Variants in ULK4 observed in about 807,000 individuals in gnomAD.
The protein encoded by ULK4 is unc-51 like kinase 4.
Under a neutral mutation model 160.6 loss-of-function variants are expected in ULK4, and 133 were observed. That is an observed-to-expected ratio of 0.83 (90% CI 0.72 to 0.96). The LOEUF (loss-of-function observed/expected upper bound fraction) is 0.96. ULK4 is among the 40% of genes least tolerant of loss of function. ULK4 has a pLI of 0.00. For synonymous variants in ULK4, 534 were observed against 539.8 expected (o/e 0.99, Z 0.15); for missense variants, 1,580 against 1,499.5 (o/e 1.05, Z -0.89).
At chr3:41,491,689 G>T (rs1050912174) in intron 32 of ULK4, among the ~76,000 whole-genome samples, 6 of 59,674 alleles carry the variant, frequency 1.0e-4, no homozygotes, top group Non-Finnish European at 1.9e-4. Flanking sequence ...GGAAAAAAAA[G>T]AATTTTTATA....
At chr3:41,499,470 T>C (rs1318439692) in intron 32 of ULK4, among the ~76,000 whole-genome samples, 1 of 152,118 alleles carries the variant, frequency 6.6e-6, no homozygotes, top group Non-Finnish European at 1.5e-5. Flanking sequence ...GTGTAGAGTG[T>C]TGAGGGCAGA....
At chr3:41,612,907 G>C (rs902761464) in intron 31 of ULK4, among the ~76,000 whole-genome samples, 1 of 152,182 alleles carries the variant, frequency 6.6e-6, no homozygotes, top group African/African-American at 2.4e-5. Flanking sequence ...CTCATAAGCA[G>C]GTTTTAAGTA....
chr3:41,861,028 GA>G (rs1168519287), intron 17 of ULK4, among the ~76,000 whole-genome samples: 1 of 152,114 alleles, frequency 6.6e-6, no homozygotes, highest in East Asian at 1.9e-4. Context: ...AGAAAACTAA[GA>G]AAAACTCTAT....
At chr3:41,897,063 T>A (rs1698185697) in intron 14 of ULK4, 60 bp from the exon 15 acceptor site, 1 of 1,437,576 alleles carries the variant, frequency 7.0e-7, no homozygotes, top group South Asian at 1.3e-5. Context: ...GCTGGAAACA[T>A]TACATAAGAA....
At chr3:41,627,734 G>A (rs2033584884) in intron 30 of ULK4, among the ~76,000 whole-genome samples, 1 of 152,148 alleles carries the variant, frequency 6.6e-6, no homozygotes, top group Non-Finnish European at 1.5e-5. Context: ...TATAAAAGTA[G>A]AATTAACTTC....
At chr3:41,575,600 T>C (rs1231878330) in intron 31 of ULK4, among the ~76,000 whole-genome samples, 1 of 152,232 alleles carries the variant, frequency 6.6e-6, no homozygotes, top group East Asian at 1.9e-4. Flanking sequence ...AAATTATTTT[T>C]AAATTTGACT....
chr3:41,820,912 A>G (rs2041125527), intron 18 of ULK4, among the ~76,000 whole-genome samples: 1 of 152,202 alleles, frequency 6.6e-6, no homozygotes, highest in Non-Finnish European at 1.5e-5. Context: ...TATACCCTGG[A>G]CATTATGATC....
chr3:41,482,371 T>C (rs529101817), intron 32 of ULK4, among the ~76,000 whole-genome samples: 1 of 152,200 alleles, frequency 6.6e-6, no homozygotes, highest in Non-Finnish European at 1.5e-5. Flanking sequence ...TGGTGTCTTA[T>C]TTCAAGGACA....
At chr3:41,584,374 C>A (rs2125634722) in intron 31 of ULK4, among the ~76,000 whole-genome samples, 1 of 152,242 alleles carries the variant, frequency 6.6e-6, no homozygotes, top group African/African-American at 2.4e-5. Flanking sequence ...TCTCTGCAAC[C>A]TCCACCTCCC....
chr3:41,759,049 T>C (rs1411955874), intron 21 of ULK4, among the ~76,000 whole-genome samples: 1 of 151,984 alleles, frequency 6.6e-6, no homozygotes, highest in African/African-American at 2.4e-5. Context: ...ACAAAGCAAG[T>C]AGAAAACAAA....
chr3:41,773,530 C>T (rs1423509315), intron 21 of ULK4, among the ~76,000 whole-genome samples: 2 of 152,104 alleles, frequency 1.3e-5, no homozygotes, highest in Non-Finnish European at 2.9e-5. Context: ...TCAAGGACCT[C>T]TTCAAGGAGA....
intron 34 of ULK4, among the ~76,000 whole-genome samples, chr3:41,408,224 C>G (rs1202022939): frequency 1.3e-5 from 2 of 151,404 alleles, no homozygotes; most frequent in Non-Finnish European, 2.9e-5. Flanking sequence ...GTCAGGAGAT[C>G]GAGACCATCC....
intron 31 of ULK4, among the ~76,000 whole-genome samples, chr3:41,598,664 T>G (rs2031854533): frequency 6.7e-6 from 1 of 150,152 alleles, no homozygotes; most frequent in East Asian, 1.9e-4. Flanking sequence ...ATCCACCCCC[T>G]ACATATACAC....
intron 12 of ULK4, among the ~76,000 whole-genome samples, chr3:41,903,734 A>G (rs1311503789): frequency 5.9e-5 from 9 of 152,222 alleles, no homozygotes; most frequent in Non-Finnish European, 1.2e-4. Flanking sequence ...TATAAAATAA[A>G]ATGTTCAGGA....
At chr3:41,865,956 A>C (rs1477587617) in intron 17 of ULK4, among the ~76,000 whole-genome samples, 1 of 152,226 alleles carries the variant, frequency 6.6e-6, no homozygotes, top group East Asian at 1.9e-4. Context: ...AGAATGTTTT[A>C]AAGATACCAT....
intron 21 of ULK4, among the ~76,000 whole-genome samples, chr3:41,771,648 A>G (rs79976396): frequency 0.03 from 4,565 of 152,282 alleles, 84 homozygotes; most frequent in Middle Eastern, 0.051. Context: ...TAGGAAGACC[A>G]TAATACCTAA....
In ULK4 at chr3:41,902,535, G is replaced by A. The variant is rs1292906593; in HGVS notation, c.1183-1706C>T. On this transcript the variant is annotated intron_variant, in intron 12 of 36. Coordinates refer to ENST00000301831, the MANE Select transcript of ULK4 (RefSeq NM_017886.4). ...GGAGGTTGCAGTGAGCCGAGATTGC[G>A]CCATCGCACACCAGCCTAGGTGACA... is the stretch of plus-strand genomic sequence containing the variant. Among the ~76,000 whole-genome samples, 66 of 143,060 alleles carry A rather than the reference G, an allele frequency of 4.6e-4. 1 individual carries two copies. Among genetic ancestry groups the A allele is most frequent in the Admixed American group, 8.2e-4 (11 of 13,442 alleles). The allele number at this position is 143,060 out of a possible 152,430, so 93.9% of individuals were successfully genotyped here.
intron 8 of ULK4, among the ~76,000 whole-genome samples, chr3:41,913,558 T>C (rs748462086): frequency 6.6e-6 from 1 of 152,196 alleles, no homozygotes; most frequent in Non-Finnish European, 1.5e-5. Flanking sequence ...ATATCAGATA[T>C]CTATAATCCT....
chr3:41,548,494 T>A (rs2125962128), intron 32 of ULK4, among the ~76,000 whole-genome samples: 1 of 152,212 alleles, frequency 6.6e-6, no homozygotes, highest in African/African-American at 2.4e-5. Context: ...GTGATTATCC[T>A]GCCCTATCCA....
Sources: allele counts gnomAD v4.1 joint callset (sites outside exome capture counted in the v4.1 genomes callset), GRCh38; gene constraint gnomAD v4.1.1; transcripts MANE v1.5; gene names NCBI Gene and HGNC (gene_info 2026-07-23, HGNC 2026-07-21).